The following PLEKHA7 variants were observed in gnomAD, a reference collection of about 807,000 sequenced individuals.
The protein encoded by PLEKHA7 is pleckstrin homology domain-containing family A member 7.
Under a neutral mutation model 170.0 loss-of-function variants are expected in PLEKHA7, and 104 were observed. The ratio of observed to expected loss-of-function variants is 0.61; its 90% CI spans 0.52 to 0.72. PLEKHA7 has a LOEUF of 0.72. PLEKHA7 is among the 30% of genes least tolerant of loss of function. PLEKHA7 has a pLI of 0.00. For missense variants in PLEKHA7, 1,615 were observed against 1,671.7 expected (o/e 0.97, Z 0.59); for synonymous variants, 648 against 660.8 (o/e 0.98, Z 0.30).
intron 3 of PLEKHA7, among the ~76,000 whole-genome samples, chr11:16,918,029 A>G (rs755695502): frequency 1.3e-5 from 2 of 152,152 alleles, no homozygotes; most frequent in Non-Finnish European, 2.9e-5. Flanking sequence ...GAAGCAGCCC[A>G]CATCTCACCT....
At chr11:16,907,379 G>C (rs1451751229) in intron 3 of PLEKHA7, among the ~76,000 whole-genome samples, 1 of 138,790 alleles carries the variant, frequency 7.2e-6, no homozygotes, top group Non-Finnish European at 1.6e-5. Flanking sequence ...CCATCCGGGA[G>C]GGAGGTGGTG....
At position 17,008,464 on chromosome 11, in the gene PLEKHA7, C is replaced by G. The variant is rs552822814; in HGVS notation, c.221+5525G>C. ...ACAGCAAGCGACTGTATCCAAGAAGCCTGGGTCTAGGCACCAGCCTTGACA... is the reference window on the plus strand; with the variant it reads ...ACAGCAAGCGACTGTATCCAAGAAGGCTGGGTCTAGGCACCAGCCTTGACA... On this transcript the variant is annotated intron_variant, in intron 3 of 26. Coordinates refer to ENST00000531066, the MANE Select transcript of PLEKHA7 (RefSeq NM_001329630.2). 1.4e-4 allele frequency among the ~76,000 whole-genome samples: 22 copies of G among 152,350 alleles called. 1 individual carries two copies. The East Asian group carries it at 3.7e-3, about 25-fold the overall frequency.
intron 3 of PLEKHA7, among the ~76,000 whole-genome samples, chr11:16,894,588 T>C (rs187579869): frequency 6.6e-4 from 101 of 152,332 alleles, no homozygotes; most frequent in African/African-American, 2.3e-3. Flanking sequence ...GTTCCAATCA[T>C]AGCTCCACAC....
intron 8 of PLEKHA7, among the ~76,000 whole-genome samples, chr11:16,846,163 T>C (rs1852389780): frequency 1.3e-5 from 2 of 152,044 alleles, no homozygotes; most frequent in Admixed American, 1.3e-4. Context: ...TGGGCACCTG[T>C]AGCCCCAGCT....
chr11:16,867,865 C>T lies in PLEKHA7; in HGVS notation c.305+3234G>A, dbSNP rs571032695. Among the ~76,000 whole-genome samples the T allele has an allele frequency of 1.7e-4, 26 of 152,294 alleles. 1 individual carries two copies. In the South Asian group the frequency reaches 5.2e-3, roughly 30 times the overall value. Reference sequence around the variant, plus strand: ...CTTATCTTCCCTTATCTAAATCTTCCCTCTTCCTCCAGTTTAAGGCCAGAG... The same window carrying T: ...CTTATCTTCCCTTATCTAAATCTTCTCTCTTCCTCCAGTTTAAGGCCAGAG... On this transcript the variant is annotated intron_variant, in intron 4 of 26. Transcript: ENST00000531066.
chr11:16,884,962 G>A (rs1051373041), intron 3 of PLEKHA7, among the ~76,000 whole-genome samples: 5 of 152,194 alleles, frequency 3.3e-5, no homozygotes, highest in Non-Finnish European at 7.3e-5. Flanking sequence ...CTCTGTAGAC[G>A]TCTGAGTTTG....
intron 9 of PLEKHA7, among the ~76,000 whole-genome samples, chr11:16,831,296 GGTATTCTCCCT>G (rs1378895771): frequency 6.6e-6 from 1 of 152,008 alleles, no homozygotes; most frequent in Non-Finnish European, 1.5e-5. Flanking sequence ...AAGGTTTTTT[GGTATTCTCCCT>G]GTCTCCTTGC....
intron 3 of PLEKHA7, among the ~76,000 whole-genome samples, chr11:16,894,901 T>G (rs1856904288): frequency 6.6e-6 from 1 of 152,176 alleles, no homozygotes; most frequent in Admixed American, 6.5e-5. Flanking sequence ...CTCCAGGCAC[T>G]CTGCAGGCAT....
At chr11:16,840,312 G>C (rs1851851592) in intron 9 of PLEKHA7, among the ~76,000 whole-genome samples, 1 of 152,148 alleles carries the variant, frequency 6.6e-6, no homozygotes, top group African/African-American at 2.4e-5. Flanking sequence ...TGTAATCCCG[G>C]CACTTTGGGA....
chr11:16,936,670 C>T (rs1486604005), intron 3 of PLEKHA7, among the ~76,000 whole-genome samples: 1 of 152,204 alleles, frequency 6.6e-6, no homozygotes, highest in Non-Finnish European at 1.5e-5. Context: ...ATCTGCACTT[C>T]AGGAGACAGT....
At chr11:16,977,992 A>T (rs1258509557) in intron 3 of PLEKHA7, among the ~76,000 whole-genome samples, 6 of 151,978 alleles carry the variant, frequency 3.9e-5, no homozygotes, top group African/African-American at 1.5e-4. Context: ...TCCAACAAAA[A>T]CCCACTGACT....
At chr11:16,926,894 G>T (rs1427910350) in intron 3 of PLEKHA7, among the ~76,000 whole-genome samples, 1 of 152,178 alleles carries the variant, frequency 6.6e-6, no homozygotes, top group Non-Finnish European at 1.5e-5. Context: ...TCCTACCTCT[G>T]CAAAAGAGCG....
intron 3 of PLEKHA7, among the ~76,000 whole-genome samples, chr11:16,964,307 C>T (rs2136646322): frequency 6.6e-6 from 1 of 152,358 alleles, no homozygotes; most frequent in Admixed American, 6.5e-5. Context: ...TGAGCTCCTG[C>T]TTTCAATTCC....
chr11:16,787,046 A>C (rs538772331), intron 23 of PLEKHA7: 1 of 985,440 alleles, frequency 1.0e-6, no homozygotes, highest in Non-Finnish European at 1.2e-6. Context: ...ATCAAATGGA[A>C]TGTTTCTAAG....
chr11:16,830,933 A>G (rs567926668), intron 9 of PLEKHA7, among the ~76,000 whole-genome samples: 1 of 152,366 alleles, frequency 6.6e-6, no homozygotes, highest in East Asian at 1.9e-4. Context: ...ATGTATGTAC[A>G]TGAGTATATA....
At chr11:16,988,200 G>A (rs1365541052) in intron 3 of PLEKHA7, among the ~76,000 whole-genome samples, 2 of 152,232 alleles carry the variant, frequency 1.3e-5, no homozygotes, top group Non-Finnish European at 2.9e-5. Flanking sequence ...CCTAATTCTG[G>A]TTCTAACTTT....
intron 7 of PLEKHA7, 122 bp from the exon 8 acceptor site, chr11:16,851,413 AC>A (rs1285231997): frequency 1.2e-5 from 6 of 521,156 alleles, no homozygotes; most frequent in African/African-American, 7.8e-5. Context: ...TCCTCCCACA[AC>A]CCACACACAG....
intron 6 of PLEKHA7, among the ~76,000 whole-genome samples, chr11:16,852,885 A>G (rs2135432634): frequency 6.6e-6 from 1 of 152,316 alleles, no homozygotes; most frequent in Middle Eastern, 3.4e-3. Flanking sequence ...TCTCTTTGCT[A>G]TCAAATTGTC....
chr11:17,002,434 GTGA>G (rs1047115729), intron 3 of PLEKHA7, among the ~76,000 whole-genome samples: 1 of 151,854 alleles, frequency 6.6e-6, no homozygotes, highest in Non-Finnish European at 1.5e-5. Flanking sequence ...AACAGAAAGA[GTGA>G]TGATGAGAGC....
Sources: allele counts gnomAD v4.1 joint callset (sites outside exome capture counted in the v4.1 genomes callset), GRCh38; gene constraint gnomAD v4.1.1; transcripts MANE v1.5; gene names NCBI Gene and HGNC (gene_info 2026-07-23, HGNC 2026-07-21).